PHF21A: variants seen among roughly 807,000 people sequenced by gnomAD.
PHF21A encodes the protein PHD finger protein 21A.
A neutral mutation model predicts 82.5 loss-of-function variants in PHF21A; 11 were observed. The ratio of observed to expected loss-of-function variants is 0.13; its 90% CI spans 0.08 to 0.22. PHF21A has a LOEUF of 0.22. Ranked by LOEUF, PHF21A falls within the 10% of genes least tolerant of loss-of-function variation. The probability of loss-of-function intolerance (pLI) is 1.00; values close to 1 mark genes in which losing one functional copy is unlikely to be tolerated. For synonymous variants in PHF21A, 297 were observed against 302.8 expected, an observed-to-expected ratio of 0.98 and a Z score of 0.20; for missense variants, 579 against 837.8, an observed-to-expected ratio of 0.69 and a Z score of 3.81.
At chr11:46,096,660 C>T (rs2097000737) in intron 1 of PHF21A, among the ~76,000 whole-genome samples, 1 of 152,026 alleles carries the variant, frequency 6.6e-6, no homozygotes, top group Non-Finnish European at 1.5e-5. Context: ...TCCTCCTTGC[C>T]TCCAACACCT....
At chr11:45,975,751 T>C (rs1009503861) in intron 7 of PHF21A, among the ~76,000 whole-genome samples, 4 of 152,196 alleles carry the variant, frequency 2.6e-5, no homozygotes, top group African/African-American at 9.7e-5. Context: ...GTTAACTAAG[T>C]AAAGCAAACT....
chr11:45,971,201 G>A lies in PHF21A; in HGVS notation c.527C>T (p.Thr176Ile), dbSNP rs763227003. 1.9e-6 allele frequency: 3 copies of A among 1,614,208 alleles called. No homozygotes were observed. The highest frequency in any genetic ancestry group is 1.1e-5 in the South Asian group (1 of 91,084). The change falls in exon 8 of 19, where the codon ACA (threonine) becomes ATA (isoleucine). Residue 176 changes from threonine to isoleucine, a missense_variant. By Grantham distance (89) the Thr-to-Ile change is moderately conservative. This residue lies in a region of PHF21A where 410 missense variants were observed against 642.1 expected (regional missense o/e 0.64). Transcript: ENST00000676320. ...ACTAGACGTCTGGAGGTTGACTGGT[G>A]TGTTCTGCACATCAGTGCTGAGCAC... ...KAVLSTDVQN[T>I]PVNLQTSSKV... is the part of the protein sequence containing the mutation.
Position 45,970,260 on chromosome 11 carries a change from G to T in PHF21A, c.613-356C>A, listed in dbSNP as rs149661811. On this transcript the variant is annotated intron_variant, in intron 8 of 18. Transcript: ENST00000676320. Reference sequence around the variant, plus strand: ...ATCAAACTTGCTGCTTAGCCAAATAGGCTTTTTCCTGATATAAGCTAACAG... The same window carrying T: ...ATCAAACTTGCTGCTTAGCCAAATATGCTTTTTCCTGATATAAGCTAACAG... 281 of 248,816 alleles carry T rather than the reference G, an allele frequency of 1.1e-3. 4 individuals are homozygous for T. The highest frequency in any genetic ancestry group is 6.2e-3 in the African/African-American group (267 of 42,736). The allele number at this position is 248,816 out of a possible 1,614,324, so 15.4% of individuals were successfully genotyped here.
chr11:45,980,900 G>C (rs2094248417), intron 6 of PHF21A, among the ~76,000 whole-genome samples: 1 of 152,196 alleles, frequency 6.6e-6, no homozygotes, highest in Non-Finnish European at 1.5e-5. Context: ...ACACACGTTT[G>C]TTTAGGCAGA....
chr11:46,118,716 G>A (rs1258188526), intron 1 of PHF21A: 2 of 151,810 alleles, frequency 1.3e-5, no homozygotes, highest in African/African-American at 2.4e-5. Context: ...AGTAAAGACA[G>A]AAGAAGAGAA....
chr11:46,033,358 AGGCTC>A (rs2095908004), intron 6 of PHF21A, among the ~76,000 whole-genome samples: 1 of 152,050 alleles, frequency 6.6e-6, no homozygotes, highest in African/African-American at 2.4e-5. Flanking sequence ...TCTGCCTCCT[AGGCTC>A]GAGGGATCCT....
intron 6 of PHF21A, among the ~76,000 whole-genome samples, chr11:45,986,404 TG>T (rs2094493472): frequency 2.0e-5 from 3 of 152,214 alleles, no homozygotes; most frequent in Admixed American, 2.0e-4. Flanking sequence ...CTTTAATTTG[TG>T]TCAAACAAGA....
intron 6 of PHF21A, among the ~76,000 whole-genome samples, chr11:46,026,430 T>C (rs2095747519): frequency 6.6e-6 from 1 of 152,154 alleles, no homozygotes; most frequent in South Asian, 2.1e-4. Context: ...ATCCTTTGCA[T>C]AAACAGGTGT....
chr11:45,940,198 CTT>C (rs111757512), intron 15 of PHF21A, among the ~76,000 whole-genome samples: 19 of 142,136 alleles, frequency 1.3e-4, no homozygotes, highest in African/African-American at 1.3e-4. Context: ...TAATCTTTTT[CTT>C]TTTTTTTTTT....
At chr11:46,006,332 T>G (rs571433791) in intron 6 of PHF21A, among the ~76,000 whole-genome samples, 1 of 152,378 alleles carries the variant, frequency 6.6e-6, no homozygotes, top group African/African-American at 2.4e-5. Flanking sequence ...TCTTAATCTT[T>G]CGGTTGTATA....
intron 6 of PHF21A, among the ~76,000 whole-genome samples, chr11:46,052,029 T>C (rs922331801): frequency 6.6e-6 from 1 of 152,170 alleles, no homozygotes; most frequent in African/African-American, 2.4e-5. Context: ...GTCAAAGGAA[T>C]AGTCAATAGT....
At chr11:45,943,304 G>A (rs1390120372) in intron 15 of PHF21A, among the ~76,000 whole-genome samples, 1 of 151,762 alleles carries the variant, frequency 6.6e-6, no homozygotes, top group Non-Finnish European at 1.5e-5. Context: ...TGTATATTTA[G>A]TAGAGACGGG....
intron 6 of PHF21A, among the ~76,000 whole-genome samples, chr11:45,995,154 G>A (rs2094860449): frequency 6.6e-6 from 1 of 152,230 alleles, no homozygotes; most frequent in Admixed American, 6.5e-5. Flanking sequence ...GCTAAGGCAA[G>A]TGTGATAGGC....
At chr11:45,936,099 GA>G (rs2088948712) in intron 17 of PHF21A, among the ~76,000 whole-genome samples, 1 of 152,096 alleles carries the variant, frequency 6.6e-6, no homozygotes, top group Non-Finnish European at 1.5e-5. Flanking sequence ...GTGACATGGC[GA>G]AACCTGTCTC....
intron 6 of PHF21A, among the ~76,000 whole-genome samples, chr11:46,017,710 C>T (rs1301165142): frequency 6.6e-6 from 1 of 152,036 alleles, no homozygotes; most frequent in African/African-American, 2.4e-5. Flanking sequence ...AAATCAAATG[C>T]AAATGATTTT....
chr11:46,014,570 T>C (rs1401968558), intron 6 of PHF21A, among the ~76,000 whole-genome samples: 2 of 152,162 alleles, frequency 1.3e-5, no homozygotes, highest in Non-Finnish European at 2.9e-5. Context: ...TTACTTTTAT[T>C]CTTTCATTAA....
intron 18 of PHF21A, 166 bp downstream of exon 18, chr11:45,935,470 G>A (rs918008081): frequency 3.1e-6 from 2 of 644,634 alleles, no homozygotes; most frequent in Non-Finnish European, 5.4e-6. Context: ...CTGTACCTGA[G>A]GTCTGAACTC....
intron 7 of PHF21A, among the ~76,000 whole-genome samples, chr11:45,971,893 T>TCTTTTTTTTG (rs1555026010): frequency 1.1e-5 from 1 of 91,986 alleles, no homozygotes; most frequent in African/African-American, 3.7e-5. Context: ...TTTCTTTCTT[T>TCTTTTTTTTG]TTTTTTTTTT....
chr11:46,023,316 A>T (rs1279191428), intron 6 of PHF21A, among the ~76,000 whole-genome samples: 1 of 152,146 alleles, frequency 6.6e-6, no homozygotes, highest in African/African-American at 2.4e-5. Flanking sequence ...TTCTATTTTG[A>T]ACATTTTGTG....
Sources: allele counts gnomAD v4.1 joint callset (sites outside exome capture counted in the v4.1 genomes callset), GRCh38; gene constraint gnomAD v4.1.1; regional missense constraint gnomAD v4.1.1; transcripts MANE v1.5; gene names NCBI Gene and HGNC (gene_info 2026-07-23, HGNC 2026-07-21).